CMKLR2: variants seen among roughly 807,000 people sequenced by gnomAD.
CMKLR2 encodes chemerin chemokine-like receptor 2, also known as chemerin-like receptor 2.
In CMKLR2, 18 loss-of-function variants were observed where a neutral mutation model predicts 23.0. The ratio of observed to expected loss-of-function variants is 0.78; its 90% confidence interval spans 0.54 to 1.16. The LOEUF (loss-of-function observed/expected upper bound fraction) is 1.16. CMKLR2 is among the 50% of genes most tolerant of loss of function. The probability of loss-of-function intolerance (pLI) is 0.00; values close to 1 mark genes in which losing one functional copy is unlikely to be tolerated. For missense variants in CMKLR2, 401 were observed against 412.7 expected (o/e 0.97, Z 0.25); for synonymous variants, 158 against 158.9 (o/e 0.99, Z 0.05).
chr2:206,193,372 T>G (rs977783857), intron 1 of CMKLR2, among the ~76,000 whole-genome samples: 7 of 152,212 alleles, frequency 4.6e-5, no homozygotes, highest in African/African-American at 1.4e-4. Context: ...GTGCTGGGAT[T>G]ACATCACACC....
upstream of CMKLR2, among the ~76,000 whole-genome samples, chr2:206,216,168 C>T (rs1432823824): frequency 6.6e-6 from 1 of 152,070 alleles, no homozygotes; most frequent in East Asian, 1.9e-4. Flanking sequence ...AAAATAGAGA[C>T]AGGAGCTGGG....
In CMKLR2 at chr2:206,198,771, T is replaced by G. The variant is rs116282283; in HGVS notation, c.-29+14536A>C. The stretch of plus-strand genomic sequence containing the variant: ...TCGTGAAAGTATGGCAAAGTCTTAC[T>G]GCTTTCTTTTCCCCCCAGGAAATAT... On this transcript the variant is annotated intron_variant, in intron 1 of 1. Transcript: ENST00000621141. Among the ~76,000 whole-genome samples, 1,080 of 152,328 alleles carry G rather than the reference T, an allele frequency of 7.1e-3. 20 individuals are homozygous for G. The highest frequency in any genetic ancestry group is 0.025 in the African/African-American group (1,029 of 41,580).
intron 1 of CMKLR2, among the ~76,000 whole-genome samples, chr2:206,198,224 AG>A (rs1418152218): frequency 1.3e-5 from 2 of 152,112 alleles, no homozygotes; most frequent in African/African-American, 2.4e-5. Context: ...GCCTTATCCT[AG>A]TTCTGACCTG....
chr2:206,188,038 C>T (rs6728131), intron 1 of CMKLR2, among the ~76,000 whole-genome samples: 1 of 151,920 alleles, frequency 6.6e-6, no homozygotes, highest in East Asian at 1.9e-4. Context: ...AAATCAAGTG[C>T]TCTTTGTGCC....
chr2:206,201,467 T>C (rs924786745), intron 1 of CMKLR2, among the ~76,000 whole-genome samples: 6 of 152,226 alleles, frequency 3.9e-5, no homozygotes, highest in Admixed American at 6.5e-5. Flanking sequence ...GTAAATGTAG[T>C]GTACCCCAGC....
chr2:206,180,237 T>C (rs1455708003), intron 1 of CMKLR2, among the ~76,000 whole-genome samples: 2 of 151,770 alleles, frequency 1.3e-5, no homozygotes, highest in South Asian at 4.2e-4. Context: ...ACACTTGTAA[T>C]CCCAGTGCTT....
chr2:206,183,190 A>G (rs1357045961), intron 1 of CMKLR2, among the ~76,000 whole-genome samples: 1 of 152,118 alleles, frequency 6.6e-6, no homozygotes, highest in Non-Finnish European at 1.5e-5. Flanking sequence ...TTAGGCTGTT[A>G]GCAATTCAGA....
chr2:206,179,055 CTTTTTTTTTTTTTTTTTTTTTTTTTT>C (rs71034421), intron 1 of CMKLR2, among the ~76,000 whole-genome samples: 4 of 49,356 alleles, frequency 8.1e-5, no homozygotes, highest in South Asian at 7.2e-4. Flanking sequence ...CTCCCTGTCC[CTTTTTTTTTTTTTTTTTTTTTTTTTT>C]TTTTTTTTTT....
At chr2:206,181,288 G>A (rs1035742396) in intron 1 of CMKLR2, among the ~76,000 whole-genome samples, 1 of 151,878 alleles carries the variant, frequency 6.6e-6, no homozygotes, top group Non-Finnish European at 1.5e-5. Flanking sequence ...TTGATCTCCT[G>A]ACCTCAAGTA....
At chr2:206,186,054 A>G (rs1275409663) in intron 1 of CMKLR2, among the ~76,000 whole-genome samples, 1 of 151,064 alleles carries the variant, frequency 6.6e-6, no homozygotes, top group Non-Finnish European at 1.5e-5. Flanking sequence ...AAGTGAAAAT[A>G]TTCTCCTGGA....
At chr2:206,217,204 C>T (rs1049789935), upstream of CMKLR2, among the ~76,000 whole-genome samples, 1 of 152,140 alleles carries the variant, frequency 6.6e-6, no homozygotes, top group Non-Finnish European at 1.5e-5. Context: ...TTTTTTTCCT[C>T]CTGTCATACA....
intron 1 of CMKLR2, among the ~76,000 whole-genome samples, chr2:206,211,574 AGT>A (rs1206347639): frequency 6.6e-6 from 1 of 151,980 alleles, no homozygotes; most frequent in Non-Finnish European, 1.5e-5. Context: ...AGAGATGAGA[AGT>A]CTCCACACCA....
At chr2:206,185,793 C>T (rs1240807154) in intron 1 of CMKLR2, among the ~76,000 whole-genome samples, 1 of 152,132 alleles carries the variant, frequency 6.6e-6, no homozygotes, top group African/African-American at 2.4e-5. Flanking sequence ...ATTTTGTAGA[C>T]AGAACCAACA....
At chr2:206,211,538 C>T (rs568275196) in intron 1 of CMKLR2, among the ~76,000 whole-genome samples, 36 of 151,942 alleles carry the variant, frequency 2.4e-4, no homozygotes, top group African/African-American at 8.4e-4. Flanking sequence ...AGGCTGGTCT[C>T]GAACTCCTGG....
chr2:206,188,320 T>C (rs1227758829), intron 1 of CMKLR2, among the ~76,000 whole-genome samples: 2 of 152,176 alleles, frequency 1.3e-5, no homozygotes, highest in South Asian at 2.1e-4. Context: ...TGACTTTCCA[T>C]TGAGATGTCC....
rs550964233 is a variant in CMKLR2, at chr2:206,200,425, C to T, written c.-29+12882G>A. Among the ~76,000 whole-genome samples the T allele has an allele frequency of 8.6e-5, 13 of 151,866 alleles. No homozygotes were observed. The East Asian group carries it at 2.3e-3, about 27-fold the overall frequency. On this transcript the variant is annotated intron_variant, in intron 1 of 1. Transcript: ENST00000621141. ...GCAACAAGAGTAAATCTCCGTCTCA[C>T]CAAAGAAAGAAAAAGAATGGTGGGT...
chr2:206,187,628 CTGTT>C (rs1688622418), intron 1 of CMKLR2, among the ~76,000 whole-genome samples: 1 of 152,106 alleles, frequency 6.6e-6, no homozygotes, highest in Non-Finnish European at 1.5e-5. Context: ...TTGTATTTCT[CTGTT>C]TATTTTTGGT....
In CMKLR2 at chr2:206,204,349, A is replaced by G. The variant is rs564646460; in HGVS notation, c.-29+8958T>C. On this transcript the variant is annotated intron_variant, in intron 1 of 1. Transcript: ENST00000621141. ...AGCCTGGGCGACAGAGCGAGACTCC[A>G]TCTCAAAAAAAAAAAAAAAAAAAAA... 5.0e-3 allele frequency among the ~76,000 whole-genome samples: 627 copies of G among 126,516 alleles called. 7 individuals are homozygous for G. The highest frequency in any genetic ancestry group is 0.018 in the African/African-American group (597 of 33,718). 83.0% of individuals were successfully genotyped at this position (126,516 alleles called of 152,430 possible).
chr2:206,185,999 G>T (rs1241426479), intron 1 of CMKLR2, among the ~76,000 whole-genome samples: 1 of 152,090 alleles, frequency 6.6e-6, no homozygotes, highest in Non-Finnish European at 1.5e-5. Flanking sequence ...TGACCTCGTG[G>T]AACAGAGCTG....
Sources: allele counts gnomAD v4.1 joint callset (sites outside exome capture counted in the v4.1 genomes callset), GRCh38; gene constraint gnomAD v4.1.1; transcripts MANE v1.5; gene names NCBI Gene and HGNC (gene_info 2026-07-23, HGNC 2026-07-21).